PCDHGB5: variants seen among roughly 807,000 people sequenced by gnomAD.
The protein encoded by PCDHGB5 is protocadherin gamma subfamily B, 5.
PCDHGB5 carries 48 observed loss-of-function variants against 62.9 expected under a neutral mutation model. The ratio of observed to expected loss-of-function variants is 0.76; its 90% CI spans 0.61 to 0.97. The LOEUF is 0.97. Ranked by LOEUF, PCDHGB5 falls within the 50% of genes least tolerant of loss-of-function variation. The probability of loss-of-function intolerance (pLI) is 0.00; values close to 1 mark genes in which losing one functional copy is unlikely to be tolerated. For synonymous variants in PCDHGB5, 474 were observed against 511.2 expected (o/e 0.93, Z 0.98); for missense variants, 1,118 against 1,198.6 (o/e 0.93, Z 0.99).
chr5:141,481,427 T>C lies in PCDHGB5; in HGVS notation c.2398-13380T>C, dbSNP rs79272909. Reference sequence around the variant, plus strand: ...TTGTATAATTAGATTGTGATGATGATTGTATCAGTTTAGTACATGTAAATA... The same window carrying C: ...TTGTATAATTAGATTGTGATGATGACTGTATCAGTTTAGTACATGTAAATA... On this transcript the variant is annotated intron_variant, in intron 1 of 3. Transcript: ENST00000617380. Among the ~76,000 whole-genome samples the C allele has an allele frequency of 6.0e-3, 907 of 152,334 alleles. 5 individuals are homozygous for C. Among genetic ancestry groups the C allele is most frequent in the African/African-American group, 0.02 (840 of 41,578 alleles).
chr5:141,400,020 G>A lies in PCDHGB5; in HGVS notation c.1893G>A (p.Arg631=), dbSNP rs1589396224. The change falls in exon 1 of 4, where the codon AGG becomes AGA. Residue 631 remains arginine (R), a synonymous_variant. Transcript: ENST00000617380. ...GCACAGCGCGTGCCTTGGGCGACAG[G>A]GACGCGGCCCGCCAGCGCCTGCTGG... is the stretch of plus-strand genomic sequence containing the variant. ...EVRTARALGD[R]DAARQRLLVA... is the part of the protein sequence containing the mutation. The A allele has an allele frequency of 6.2e-7, 1 of 1,612,942 alleles. No individual in the cohort carries two copies. Among genetic ancestry groups the A allele is most frequent in the South Asian group, 1.1e-5 (1 of 91,004 alleles).
intron 1 of PCDHGB5, chr5:141,423,349 T>A (rs2096733716): frequency 6.2e-7 from 1 of 1,614,196 alleles, no homozygotes; most frequent in East Asian, 2.2e-5. Context: ...CTTCCTGGTC[T>A]TTGTCATCGT....
chr5:141,507,525 A>T (rs1053801558), intron 3 of PCDHGB5, among the ~76,000 whole-genome samples: 1 of 152,000 alleles, frequency 6.6e-6, no homozygotes, highest in Non-Finnish European at 1.5e-5. Context: ...ATGATTCCAG[A>T]GAGGCCAGAG....
intron 1 of PCDHGB5, among the ~76,000 whole-genome samples, chr5:141,457,253 T>C (rs986838327): frequency 1.4e-4 from 22 of 152,196 alleles, no homozygotes; most frequent in Admixed American, 1.4e-3. Flanking sequence ...CTTGCCAACA[T>C]ATAGAATTCC....
chr5:141,403,762 T>A (rs1217388200), intron 1 of PCDHGB5: 1 of 1,613,736 alleles, frequency 6.2e-7, no homozygotes, highest in Non-Finnish European at 8.5e-7. Flanking sequence ...GCGACCTGGA[T>A]GAGGGAATCA....
rs747671382 is a variant in PCDHGB5 at position 141,444,152 on chromosome 5, A to ATTTTTTT, written c.2397+43658_2397+43664dup. On this transcript the variant is annotated intron_variant, in intron 1 of 3. Coordinates refer to ENST00000617380, the MANE Select transcript of PCDHGB5 (RefSeq NM_018925.3). ...GATATGTGTCACTTGTGTGTACTGG[A>ATTTTTTT]TTTTTTTTTTTTTTTTTTTTTTTTT... Among the ~76,000 whole-genome samples, 8 of 33,896 alleles carry ATTTTTTT rather than the reference A, an allele frequency of 2.4e-4. 2 individuals are homozygous for ATTTTTTT. The highest frequency in any genetic ancestry group is 2.1e-3 in the South Asian group (2 of 962). 22.2% of individuals were successfully genotyped at this position (33,896 alleles called of 152,430 possible).
chr5:141,462,824 A>T (rs1561993844), intron 1 of PCDHGB5, among the ~76,000 whole-genome samples: 1 of 152,158 alleles, frequency 6.6e-6, no homozygotes, highest in Non-Finnish European at 1.5e-5. Flanking sequence ...TGGACAGCAG[A>T]CATTGTAAAT....
chr5:141,427,914 A>G (rs757621783), intron 1 of PCDHGB5: 123 of 1,576,802 alleles, frequency 7.8e-5, no homozygotes, highest in Non-Finnish European at 7.6e-5. Context: ...CAGCGCCAAC[A>G]TGAGCCGGCG....
Position 141,489,712 on chromosome 5 carries a change from C to G in PCDHGB5, c.2398-5095C>G. On this transcript the variant is annotated intron_variant, in intron 1 of 3. Transcript: ENST00000617380. The surrounding 1 kb of genome is among the most constrained non-coding windows in gnomAD (Gnocchi z 4.5). ...GGCACGATTCCCACTGGACAGTGCC[C>G]AGGATCCGGATGTGGGCACCAATAC... The G allele has an allele frequency of 6.2e-7, 1 of 1,614,162 alleles. No individual in the cohort carries two copies. Among genetic ancestry groups the G allele is most frequent in the South Asian group, 1.1e-5 (1 of 91,078 alleles).
chr5:141,414,791 G>A (rs375736950), intron 1 of PCDHGB5: 43 of 1,614,120 alleles, frequency 2.7e-5, no homozygotes, highest in Non-Finnish European at 3.3e-5. Context: ...GTGACAGCCA[G>A]CGACAGCGGG....
At chr5:141,501,288 TATACAC>T (rs201660636) in intron 2 of PCDHGB5, among the ~76,000 whole-genome samples, 3 of 81,324 alleles carry the variant, frequency 3.7e-5, no homozygotes, top group African/African-American at 1.5e-4. Flanking sequence ...GATATTCCCT[TATACAC>T]ACACACACAC....
chr5:141,425,490 G>T (rs2096878933), intron 1 of PCDHGB5, among the ~76,000 whole-genome samples: 1 of 152,122 alleles, frequency 6.6e-6, no homozygotes, highest in Non-Finnish European at 1.5e-5. Context: ...AACCTACTAG[G>T]CTATACCTTT....
chr5:141,414,866 C>G (rs1413236073), intron 1 of PCDHGB5: 1 of 1,614,230 alleles, frequency 6.2e-7, no homozygotes, highest in Non-Finnish European at 8.5e-7. Flanking sequence ...GACAATGCGC[C>G]CGAGATCCTG....
At position 141,399,259 on chromosome 5, in the gene PCDHGB5, G is replaced by A; in HGVS notation, c.1132G>A (p.Val378Ile). The change falls in exon 1 of 4, where the codon GTT (valine) becomes ATT (isoleucine). Residue 378 changes from valine to isoleucine, a missense_variant. This residue lies in a region of PCDHGB5 where 1,034 missense variants were observed against 1,029.1 expected (regional missense o/e 1.00). Coordinates refer to ENST00000617380, the MANE Select transcript of PCDHGB5 (RefSeq NM_018925.3). ...HDQDSGENGE[V>I]NCQLQGEVPF... Reference sequence around the variant, plus strand: ...CCAAGATTCTGGGGAAAATGGGGAGGTTAATTGTCAATTACAAGGCGAAGT... The same window carrying A: ...CCAAGATTCTGGGGAAAATGGGGAGATTAATTGTCAATTACAAGGCGAAGT... 1 of 1,613,874 alleles carries A rather than the reference G, an allele frequency of 6.2e-7. No homozygotes were observed. Among genetic ancestry groups the A allele is most frequent in the Non-Finnish European group, 8.5e-7 (1 of 1,179,846 alleles).
At position 141,403,415 on chromosome 5, in the gene PCDHGB5, C is replaced by T. The variant is rs770058522; in HGVS notation, c.2397+2891C>T. 6.8e-6 allele frequency: 11 copies of T among 1,614,046 alleles called. No individual in the cohort carries two copies. The South Asian group carries it at 1.2e-4, about 18-fold the overall frequency. ...GGTTCCTGGAGCACGTTATCCACTT[C>T]CAGAAGCTATTGATCCGGATGTTGG... On this transcript the variant is annotated intron_variant, in intron 1 of 3. Coordinates refer to ENST00000617380, the MANE Select transcript of PCDHGB5 (RefSeq NM_018925.3).
chr5:141,464,680 A>T (rs747974832), intron 1 of PCDHGB5, among the ~76,000 whole-genome samples: 1 of 152,144 alleles, frequency 6.6e-6, no homozygotes, highest in African/African-American at 2.4e-5. Context: ...TTTTAATTAA[A>T]ATTTCTCTTA....
chr5:141,492,619 G>A lies in PCDHGB5; in HGVS notation c.2398-2188G>A, dbSNP rs778698501. ...GCGACTGCCGCTCTAAGTGCCGGGC[G>A]GGCAGGACTCTACGATCCTTGGGCC... On this transcript the variant is annotated intron_variant, in intron 1 of 3. Coordinates refer to ENST00000617380, the MANE Select transcript of PCDHGB5 (RefSeq NM_018925.3). 7.8e-4 allele frequency among the ~76,000 whole-genome samples: 118 copies of A among 152,234 alleles called. 1 individual carries two copies. The highest frequency in any genetic ancestry group is 3.3e-3 in the Admixed American group (51 of 15,282).
chr5:141,433,029 T>C (rs2097561523), intron 1 of PCDHGB5: 2 of 1,613,998 alleles, frequency 1.2e-6, no homozygotes, highest in African/African-American at 2.7e-5. Flanking sequence ...TCCCACGAGG[T>C]TTCCCTCACC....
At chr5:141,473,131 A>G (rs1262205483) in intron 1 of PCDHGB5, among the ~76,000 whole-genome samples, 2 of 152,214 alleles carry the variant, frequency 1.3e-5, no homozygotes, top group Admixed American at 6.5e-5. Context: ...TTGGCAAACT[A>G]TATTATCTCT....
Sources: gnomAD v4.1 joint callset for allele counts (sites outside exome capture counted in the v4.1 genomes callset) on GRCh38, gnomAD v4.1.1 for gene constraint, gnomAD v4.1.1 regional missense constraint, Gnocchi (gnomAD v3.1) non-coding constraint, MANE v1.5 for transcripts, NCBI Gene and HGNC (gene_info 2026-07-23, HGNC 2026-07-21) for gene names.